NELL1: variants seen among roughly 807,000 people sequenced by gnomAD.
NELL1 encodes protein kinase C-binding protein NELL1.
Under a neutral mutation model 107.4 loss-of-function variants are expected in NELL1, and 76 were observed. The ratio of observed to expected loss-of-function variants is 0.71; its 90% CI spans 0.59 to 0.86. NELL1 has a LOEUF of 0.86. Ranked by LOEUF, NELL1 falls within the 40% of genes least tolerant of loss-of-function variation. The pLI is 0.00. For missense variants in NELL1, 1,024 were observed against 1,005.5 expected, an observed-to-expected ratio of 1.02 and a Z score of -0.25; for synonymous variants, 353 against 341.2, an observed-to-expected ratio of 1.03 and a Z score of -0.38.
At chr11:21,327,062 C>A (rs1237000419) in intron 14 of NELL1, among the ~76,000 whole-genome samples, 1 of 151,598 alleles carries the variant, frequency 6.6e-6, no homozygotes, top group African/African-American at 2.4e-5. Flanking sequence ...TTCCCATAAT[C>A]CTGACATGTT....
At chr11:21,549,123 T>G (rs1341601277) in intron 16 of NELL1, among the ~76,000 whole-genome samples, 2 of 151,946 alleles carry the variant, frequency 1.3e-5, no homozygotes, top group Admixed American at 6.6e-5. Context: ...TGTTCACTCT[T>G]TTTGCCATGG....
At chr11:21,062,478 C>G (rs1477359430) in intron 12 of NELL1, among the ~76,000 whole-genome samples, 1 of 152,140 alleles carries the variant, frequency 6.6e-6, no homozygotes, top group Non-Finnish European at 1.5e-5. Flanking sequence ...AACTAGAAAG[C>G]TTTTGGCTAA....
In NELL1 at chr11:21,376,344, G is replaced by C. The variant is rs192687560; in HGVS notation, c.1645+5396G>C. 2.4e-3 allele frequency among the ~76,000 whole-genome samples: 369 copies of C among 152,214 alleles called. 2 individuals carry two copies. The highest frequency in any genetic ancestry group is 8.7e-3 in the African/African-American group (363 of 41,548). On this transcript the variant is annotated intron_variant, in intron 15 of 19. Transcript: ENST00000357134. ...GCTTATTTTTGTCAACTTTATTGAA[G>C]ATCAGATGGCTGTGGGTGTGCAGCT... is the stretch of plus-strand genomic sequence containing the variant.
intron 13 of NELL1, among the ~76,000 whole-genome samples, chr11:21,174,673 T>C (rs986210951): frequency 1.3e-5 from 2 of 151,730 alleles, no homozygotes; most frequent in African/African-American, 4.9e-5. Flanking sequence ...TCATCCTGGT[T>C]TGAGACTGCT....
intron 13 of NELL1, among the ~76,000 whole-genome samples, chr11:21,154,102 G>T (rs975916656): frequency 6.6e-6 from 1 of 152,192 alleles, no homozygotes; most frequent in African/African-American, 2.4e-5. Flanking sequence ...AACAGGCCTG[G>T]TGGCTCTGTG....
intron 15 of NELL1, among the ~76,000 whole-genome samples, chr11:21,374,585 A>T (rs1328372351): frequency 6.6e-6 from 1 of 152,038 alleles, no homozygotes; most frequent in Non-Finnish European, 1.5e-5. Flanking sequence ...ACTCAAGGAG[A>T]GAGGAATGAG....
At chr11:20,936,999 T>C (rs976135260) in intron 9 of NELL1, among the ~76,000 whole-genome samples, 4 of 150,192 alleles carry the variant, frequency 2.7e-5, no homozygotes, top group Non-Finnish European at 4.5e-5. Context: ...AGTGACCAGA[T>C]ACTTGCTTCT....
At chr11:21,128,301 C>G (rs1855534547) in intron 13 of NELL1, among the ~76,000 whole-genome samples, 1 of 152,122 alleles carries the variant, frequency 6.6e-6, no homozygotes. Context: ...TATTTTCTTA[C>G]TGAATTATTT....
At chr11:21,513,442 T>A (rs916288709) in intron 15 of NELL1, among the ~76,000 whole-genome samples, 2 of 152,200 alleles carry the variant, frequency 1.3e-5, no homozygotes, top group Non-Finnish European at 2.9e-5. Context: ...AAAAAAATAC[T>A]TTTGCCAGAC....
chr11:21,101,103 C>A (rs1165918137), intron 12 of NELL1, among the ~76,000 whole-genome samples: 2 of 151,748 alleles, frequency 1.3e-5, no homozygotes, highest in African/African-American at 2.4e-5. Flanking sequence ...GGATTTTGTC[C>A]TTGTGATAGT....
chr11:21,442,369 G>T (rs1306514678), intron 15 of NELL1, among the ~76,000 whole-genome samples: 1 of 152,020 alleles, frequency 6.6e-6, no homozygotes, highest in Non-Finnish European at 1.5e-5. Flanking sequence ...TGGTTACGTG[G>T]TCTCTGTTCA....
At chr11:21,314,149 G>A (rs1160693412) in intron 14 of NELL1, among the ~76,000 whole-genome samples, 1 of 151,894 alleles carries the variant, frequency 6.6e-6, no homozygotes, top group African/African-American at 2.4e-5. Flanking sequence ...CCGAGACCCA[G>A]TTAAACCTCT....
intron 3 of NELL1, among the ~76,000 whole-genome samples, chr11:20,826,834 AG>A (rs1857895548): frequency 6.6e-6 from 1 of 151,170 alleles, no homozygotes; most frequent in Admixed American, 6.7e-5. Context: ...TGCATGGAGG[AG>A]TGAGACAGAC....
At chr11:21,261,422 T>A (rs1416766870) in intron 14 of NELL1, among the ~76,000 whole-genome samples, 4 of 151,818 alleles carry the variant, frequency 2.6e-5, no homozygotes, top group African/African-American at 9.7e-5. Context: ...TTATTTCTTT[T>A]ATTATTTAGA....
chr11:21,495,984 T>C (rs940562336), intron 15 of NELL1, among the ~76,000 whole-genome samples: 4 of 152,076 alleles, frequency 2.6e-5, no homozygotes, highest in Non-Finnish European at 5.9e-5. Context: ...TTAAAAATAA[T>C]TTAGAACTTG....
At chr11:20,815,272 T>C (rs923916279) in intron 3 of NELL1, among the ~76,000 whole-genome samples, 2 of 151,978 alleles carry the variant, frequency 1.3e-5, no homozygotes, top group Admixed American at 6.6e-5. Flanking sequence ...GTAGTTTTAG[T>C]AGAGACAGAT....
chr11:20,706,528 G>A (rs1349466104), intron 2 of NELL1, among the ~76,000 whole-genome samples: 8 of 146,936 alleles, frequency 5.4e-5, no homozygotes, highest in African/African-American at 2.0e-4. Context: ...TGGGGTTGGG[G>A]GGGAGGGGGG....
intron 3 of NELL1, among the ~76,000 whole-genome samples, chr11:20,823,112 G>A (rs1039644843): frequency 1.4e-5 from 2 of 143,818 alleles, no homozygotes; most frequent in Non-Finnish European, 3.2e-5. Context: ...AGGCATACCT[G>A]AGACTGGGCA....
At chr11:21,056,338 T>C (rs535781203) in intron 12 of NELL1, among the ~76,000 whole-genome samples, 1 of 152,158 alleles carries the variant, frequency 6.6e-6, no homozygotes, top group Non-Finnish European at 1.5e-5. Context: ...CTTTTAGAAG[T>C]CAAACTGATT....
Sources: allele counts gnomAD v4.1 joint callset (sites outside exome capture counted in the v4.1 genomes callset), GRCh38; gene constraint gnomAD v4.1.1; transcripts MANE v1.5; gene names NCBI Gene and HGNC (gene_info 2026-07-23, HGNC 2026-07-21).